PRDM16: variants seen among roughly 807,000 people sequenced by gnomAD.
The protein encoded by PRDM16 is histone-lysine N-methyltransferase PRDM16.
PRDM16 carries 23 observed loss-of-function variants against 110.6 expected under a neutral mutation model. The ratio of observed to expected loss-of-function variants is 0.21; its 90% CI spans 0.15 to 0.29. The LOEUF (loss-of-function observed/expected upper bound fraction) is 0.29. Ranked by LOEUF, PRDM16 falls within the 10% of genes least tolerant of loss-of-function variation. PRDM16 has a pLI of 1.00. For synonymous variants in PRDM16, 799 were observed against 781.8 expected (o/e 1.02, Z -0.37); for missense variants, 1,615 against 1,794.3 (o/e 0.90, Z 1.81).
chr1:3,259,762 C>T (rs903185883), intron 3 of PRDM16, among the ~76,000 whole-genome samples: 2 of 151,988 alleles, frequency 1.3e-5, no homozygotes, highest in Admixed American at 6.5e-5. Flanking sequence ...GGGACTTCTG[C>T]GTGAGCCACC....
At chr1:3,233,182 G>A (rs945903362) in intron 2 of PRDM16, among the ~76,000 whole-genome samples, 1 of 152,234 alleles carries the variant, frequency 6.6e-6, no homozygotes, top group African/African-American at 2.4e-5. Flanking sequence ...GGAGCCTCCA[G>A]CAGCTGCCCC....
intron 3 of PRDM16, among the ~76,000 whole-genome samples, chr1:3,322,140 G>A (rs1212400928): frequency 6.7e-6 from 1 of 149,270 alleles, no homozygotes. Context: ...GGGTGAACAT[G>A]TTTGTGTGTG....
At position 3,290,613 on chromosome 1, in the gene PRDM16, T is replaced by A. The variant is rs1640951182; in HGVS notation, c.438+46476T>A. ...CGTGGCTCCGGCTCCGTCTGCAGGA[T>A]CCCTCCCAGGACGCAGTGGTGGGCC... On this transcript the variant is annotated intron_variant, in intron 3 of 16. Coordinates refer to ENST00000270722, the MANE Select transcript of PRDM16 (RefSeq NM_022114.4). This position sits in a 1 kb window ranked among gnomAD's most constrained non-coding sequence, Gnocchi z 4.8. 6.6e-6 allele frequency among the ~76,000 whole-genome samples: 1 copy of A among 152,012 alleles called. No homozygotes were observed. Among genetic ancestry groups the A allele is most frequent in the Non-Finnish European group, 1.5e-5 (1 of 68,008 alleles).
rs573518151 is a variant in PRDM16, at chr1:3,245,798, G to A, written c.438+1661G>A. On this transcript the variant is annotated intron_variant, in intron 3 of 16. Transcript: ENST00000270722. The surrounding 1 kb of genome is among the most constrained non-coding windows in gnomAD (Gnocchi z 4.7). ...CAGCGCTGCTGTATTTCCGAGAACTGCAGTATTTTCACTTCCCACAAAAAG... is the reference window on the plus strand; with the variant it reads ...CAGCGCTGCTGTATTTCCGAGAACTACAGTATTTTCACTTCCCACAAAAAG... Among the ~76,000 whole-genome samples, 1 of 152,172 alleles carries A rather than the reference G, an allele frequency of 6.6e-6. No homozygotes were observed. The highest frequency in any genetic ancestry group is 1.5e-5 in the Non-Finnish European group (1 of 68,042).
At chr1:3,373,205 G>A (rs1418437530) in intron 3 of PRDM16, among the ~76,000 whole-genome samples, 1 of 152,100 alleles carries the variant, frequency 6.6e-6, no homozygotes, top group African/African-American at 2.4e-5. Flanking sequence ...GAGCTCCACG[G>A]GACAGTCTCA....
chr1:3,180,718 C>CAGACAGAAGAGAACAGCG (rs879673584), intron 1 of PRDM16, among the ~76,000 whole-genome samples: 10,265 of 151,960 alleles, frequency 0.068, 482 homozygotes, highest in East Asian at 0.2. Context: ...ACGGGAGACC[C>CAGACAGAAGAGAACAGCG]TTCCTCCTGA....
chr1:3,271,877 C>G (rs1640464043), intron 3 of PRDM16, among the ~76,000 whole-genome samples: 1 of 152,188 alleles, frequency 6.6e-6, no homozygotes, highest in Non-Finnish European at 1.5e-5. Flanking sequence ...GGATGTCTCC[C>G]CACTACCACC....
chr1:3,136,041 G>A (rs977132814), intron 1 of PRDM16, among the ~76,000 whole-genome samples: 2 of 151,884 alleles, frequency 1.3e-5, no homozygotes, highest in Non-Finnish European at 2.9e-5. Flanking sequence ...CGCTTTGTCC[G>A]GGAGCCACAG....
intron 1 of PRDM16, among the ~76,000 whole-genome samples, chr1:3,174,794 G>A (rs1644067004): frequency 6.6e-6 from 1 of 152,156 alleles, no homozygotes; most frequent in South Asian, 2.1e-4. Flanking sequence ...ATGACAATTC[G>A]GCTTCATCAG....
At chr1:3,349,163 C>T (rs1570114400) in intron 3 of PRDM16, among the ~76,000 whole-genome samples, 1 of 152,360 alleles carries the variant, frequency 6.6e-6, no homozygotes, top group East Asian at 1.9e-4. Context: ...CTCGCCCTGC[C>T]CCACCTCCGT....
At chr1:3,274,461 C>G (rs1640536627) in intron 3 of PRDM16, among the ~76,000 whole-genome samples, 1 of 152,196 alleles carries the variant, frequency 6.6e-6, no homozygotes, top group South Asian at 2.1e-4. Context: ...TTGATTACTG[C>G]TGGCATGGGC....
intron 3 of PRDM16, among the ~76,000 whole-genome samples, chr1:3,305,464 C>A (rs975478605): frequency 6.6e-6 from 1 of 152,212 alleles, no homozygotes; most frequent in African/African-American, 2.4e-5. Context: ...CTGCCCAGCT[C>A]CATGTTAGGT....
At chr1:3,321,659 ATGTGTGGGTGCACGTGTG>A (rs1170201288) in intron 3 of PRDM16, among the ~76,000 whole-genome samples, 3 of 144,614 alleles carry the variant, frequency 2.1e-5, no homozygotes, top group Non-Finnish European at 3.0e-5. Context: ...GATGTGCCCA[ATGTGTGGGTGCACGTGTG>A]TGTGTGGGTG....
chr1:3,099,913 G>A (rs978861676), intron 1 of PRDM16, among the ~76,000 whole-genome samples: 1 of 152,188 alleles, frequency 6.6e-6, no homozygotes, highest in Admixed American at 6.5e-5. Context: ...AGGCTCTCAT[G>A]GACAAAGATG....
At chr1:3,292,414 G>A (rs1331017322) in intron 3 of PRDM16, among the ~76,000 whole-genome samples, 1 of 152,184 alleles carries the variant, frequency 6.6e-6, no homozygotes, top group Admixed American at 6.5e-5. Flanking sequence ...TGTCTCCAGC[G>A]AGAGAGAAGC....
intron 3 of PRDM16, among the ~76,000 whole-genome samples, chr1:3,282,785 G>A (rs1168423525): frequency 6.6e-6 from 1 of 152,182 alleles, no homozygotes; most frequent in Non-Finnish European, 1.5e-5. Context: ...TCTGAAGCCT[G>A]GCGAACGTGG....
chr1:3,180,082 G>A (rs1644132500), intron 1 of PRDM16, among the ~76,000 whole-genome samples: 1 of 152,114 alleles, frequency 6.6e-6, no homozygotes, highest in Non-Finnish European at 1.5e-5. Context: ...TCAGGGAACT[G>A]CACAGCAAAG....
chr1:3,176,517 C>T (rs911368054), intron 1 of PRDM16, among the ~76,000 whole-genome samples: 3 of 151,332 alleles, frequency 2.0e-5, no homozygotes, highest in African/African-American at 7.3e-5. Context: ...CATTGATTCA[C>T]CCACCCATCC....
At chr1:3,424,567 C>T (rs954572530) in intron 12 of PRDM16, among the ~76,000 whole-genome samples, 49 of 152,260 alleles carry the variant, frequency 3.2e-4, no homozygotes, top group African/African-American at 1.1e-3. Flanking sequence ...AGCAGCCCTG[C>T]CCACCCTGGG....
Sources: allele counts gnomAD v4.1 joint callset (sites outside exome capture counted in the v4.1 genomes callset), GRCh38; gene constraint gnomAD v4.1.1; non-coding constraint Gnocchi (gnomAD v3.1); transcripts MANE v1.5; gene names NCBI Gene and HGNC (gene_info 2026-07-23, HGNC 2026-07-21).